Variants in UBE2D2 observed in about 807,000 individuals in gnomAD.
The protein encoded by UBE2D2 is ubiquitin conjugating enzyme E2 D2.
A neutral mutation model predicts 24.2 loss-of-function variants in UBE2D2; 2 were observed. The observed-to-expected ratio is 0.08, with a 90% CI of 0.03 to 0.26. The LOEUF (loss-of-function observed/expected upper bound fraction) is 0.26, where lower values mean the gene tolerates loss of function less well. UBE2D2 is among the 10% of genes least tolerant of loss of function. The pLI is 1.00. For synonymous variants in UBE2D2, 58 were observed against 56.5 expected (o/e 1.03, Z -0.12); for missense variants, 44 against 177.6 (o/e 0.25, Z 4.28).
intron 1 of UBE2D2, among the ~76,000 whole-genome samples, chr5:139,587,774 C>G (rs1469169893): frequency 6.6e-6 from 1 of 151,780 alleles, no homozygotes; most frequent in Non-Finnish European, 1.5e-5. Context: ...GGGAGGGGAC[C>G]CAAAGAGGGT....
At chr5:139,575,135 G>T (rs572078280) in intron 1 of UBE2D2, among the ~76,000 whole-genome samples, 3 of 152,114 alleles carry the variant, frequency 2.0e-5, no homozygotes, top group Non-Finnish European at 4.4e-5. Flanking sequence ...TCACCCTCCC[G>T]TACTTGCTCT....
chr5:139,587,672 C>CAAAAAA (rs766266617), intron 1 of UBE2D2, among the ~76,000 whole-genome samples: 1 of 35,544 alleles, frequency 2.8e-5, no homozygotes, highest in African/African-American at 1.1e-4. Flanking sequence ...GACCCCATCT[C>CAAAAAA]AAAAAAAAAA....
intron 1 of UBE2D2, among the ~76,000 whole-genome samples, chr5:139,543,329 G>A (rs1188365992): frequency 6.6e-6 from 1 of 152,202 alleles, no homozygotes; most frequent in African/African-American, 2.4e-5. Flanking sequence ...ACATTATTCT[G>A]GAAGATGAAC....
At chr5:139,587,306 G>A (rs573682839) in intron 1 of UBE2D2, among the ~76,000 whole-genome samples, 17 of 152,272 alleles carry the variant, frequency 1.1e-4, no homozygotes, top group Middle Eastern at 3.4e-3. Flanking sequence ...TGCTCCATCC[G>A]GAGGGATGGA....
chr5:139,578,509 G>A (rs577358100), intron 1 of UBE2D2, among the ~76,000 whole-genome samples: 29 of 151,828 alleles, frequency 1.9e-4, no homozygotes, highest in Admixed American at 5.3e-4. Flanking sequence ...CTAGACTGCA[G>A]TGGCACAATC....
intron 1 of UBE2D2, among the ~76,000 whole-genome samples, chr5:139,593,437 A>T (rs1753888755): frequency 6.6e-6 from 1 of 152,074 alleles, no homozygotes. Context: ...AATAGGTCTA[A>T]ATGATCTCTT....
At chr5:139,586,286 TA>T (rs1753723803) in intron 1 of UBE2D2, among the ~76,000 whole-genome samples, 1 of 152,120 alleles carries the variant, frequency 6.6e-6, no homozygotes, top group Non-Finnish European at 1.5e-5. Context: ...AACTGCAATT[TA>T]TTGGATATAA....
chr5:139,556,091 C>T (rs922672241), intron 1 of UBE2D2, among the ~76,000 whole-genome samples: 2 of 151,890 alleles, frequency 1.3e-5, no homozygotes, highest in African/African-American at 4.8e-5. Flanking sequence ...ACAAAATCAT[C>T]TGGGCATGGT....
chr5:139,565,872 G>A (rs1258519062), intron 1 of UBE2D2, among the ~76,000 whole-genome samples: 1 of 152,162 alleles, frequency 6.6e-6, no homozygotes, highest in Non-Finnish European at 1.5e-5. Flanking sequence ...AGACTGACCA[G>A]AGTTGGATAC....
intron 1 of UBE2D2, among the ~76,000 whole-genome samples, chr5:139,565,403 C>T (rs1753194601): frequency 6.6e-6 from 1 of 151,876 alleles, no homozygotes; most frequent in Non-Finnish European, 1.5e-5. Flanking sequence ...CTGGGCAGGG[C>T]TTGGGATCCT....
intron 5 of UBE2D2, among the ~76,000 whole-genome samples, chr5:139,615,912 T>G (rs1328961105): frequency 6.7e-6 from 1 of 149,122 alleles, no homozygotes; most frequent in Non-Finnish European, 1.5e-5. Context: ...CTTGGCTCAT[T>G]GAAACCTCCA....
intron 1 of UBE2D2, among the ~76,000 whole-genome samples, chr5:139,575,674 T>A (rs1753454789): frequency 6.6e-6 from 1 of 152,194 alleles, no homozygotes; most frequent in African/African-American, 2.4e-5. Flanking sequence ...TAATGCATCA[T>A]GCCAATATAA....
intron 5 of UBE2D2, among the ~76,000 whole-genome samples, chr5:139,616,856 A>G (rs961748918): frequency 1.3e-5 from 2 of 152,174 alleles, no homozygotes; most frequent in Non-Finnish European, 1.5e-5. Flanking sequence ...TAGAGGAAAA[A>G]ATAGATCGGT....
chr5:139,543,886 T>C (rs1752788814), intron 1 of UBE2D2, among the ~76,000 whole-genome samples: 1 of 152,164 alleles, frequency 6.6e-6, no homozygotes, highest in Admixed American at 6.5e-5. Context: ...CTTTGACAGG[T>C]GTTCACTTCA....
In UBE2D2 at chr5:139,561,508, G is replaced by T. The variant is rs1345265098; in HGVS notation, c.-284G>T. ...GATCTGCGGCGGTTTAGGAGGCGGC[G>T]CTGATCCTGGGAGGAAGAGGCAGCT... is the stretch of plus-strand genomic sequence containing the variant. On this transcript the variant is annotated 5_prime_UTR_variant, in exon 1 of 7. Transcript: ENST00000398733. 7.6e-6 allele frequency: 3 copies of T among 396,620 alleles called. No homozygotes were observed. The highest frequency in any genetic ancestry group is 1.3e-5 in the Non-Finnish European group (3 of 223,310). The allele number at this position is 396,620 out of a possible 1,614,324, so 24.6% of individuals were successfully genotyped here. A position where few individuals can be genotyped will look rare whatever the true frequency, so the allele number is the denominator to read the frequency against.
At chr5:139,535,435 G>A (rs924590229) in intron 1 of UBE2D2, among the ~76,000 whole-genome samples, 1 of 151,862 alleles carries the variant, frequency 6.6e-6, no homozygotes, top group Non-Finnish European at 1.5e-5. Flanking sequence ...CAGCCTGGGA[G>A]CGAGACTCCG....
At chr5:139,609,401 G>A (rs906725429) in intron 2 of UBE2D2, among the ~76,000 whole-genome samples, 16 of 150,730 alleles carry the variant, frequency 1.1e-4, no homozygotes, top group Non-Finnish European at 1.3e-4. Flanking sequence ...ATGGAGTTTC[G>A]CTCTTGTTGC....
At chr5:139,585,129 A>T (rs1451439639) in intron 1 of UBE2D2, among the ~76,000 whole-genome samples, 1 of 149,310 alleles carries the variant, frequency 6.7e-6, no homozygotes, top group Non-Finnish European at 1.5e-5. Context: ...CGAACTCCGC[A>T]CCTCACATGA....
intron 1 of UBE2D2, among the ~76,000 whole-genome samples, chr5:139,584,411 A>C (rs1581509223): frequency 6.6e-6 from 1 of 151,848 alleles, no homozygotes; most frequent in East Asian, 1.9e-4. Context: ...GTTTAGCATG[A>C]CTATATTCTC....
Sources: allele counts gnomAD v4.1 joint callset (sites outside exome capture counted in the v4.1 genomes callset), GRCh38; gene constraint gnomAD v4.1.1; transcripts MANE v1.5; gene names NCBI Gene and HGNC (gene_info 2026-07-23, HGNC 2026-07-21).